The following EHBP1 variants were observed in gnomAD, a reference collection of about 807,000 sequenced individuals.
EHBP1 encodes the protein EH domain-binding protein 1.
EHBP1 carries 55 observed loss-of-function variants against 144.0 expected under a neutral mutation model. The ratio of observed to expected loss-of-function variants is 0.38; its 90% CI spans 0.31 to 0.48. EHBP1 has a LOEUF of 0.48. EHBP1 is among the 20% of genes least tolerant of loss of function. EHBP1 has a pLI of 0.98. For missense variants in EHBP1, 1,200 were observed against 1,364.2 expected (o/e 0.88, Z 1.90); for synonymous variants, 469 against 472.7 (o/e 0.99, Z 0.10).
intron 10 of EHBP1, among the ~76,000 whole-genome samples, chr2:62,892,480 G>C (rs1300075747): frequency 1.3e-5 from 2 of 152,028 alleles, no homozygotes; most frequent in African/African-American, 2.4e-5. Context: ...CAGTTATTAA[G>C]TAGAGGTTGT....
intron 5 of EHBP1, among the ~76,000 whole-genome samples, chr2:62,809,171 A>G (rs2044746567): frequency 6.6e-6 from 1 of 151,944 alleles, no homozygotes; most frequent in South Asian, 2.1e-4. Context: ...TGTGCCTGTA[A>G]TCCCAGCTAC....
At chr2:62,899,437 G>A (rs776616532) in intron 10 of EHBP1, among the ~76,000 whole-genome samples, 6 of 152,116 alleles carry the variant, frequency 3.9e-5, no homozygotes, top group Non-Finnish European at 8.8e-5. Context: ...TCCCTTTATT[G>A]AGAATAAGGA....
At chr2:62,973,720 C>T (rs2058591067) in intron 14 of EHBP1, among the ~76,000 whole-genome samples, 4 of 152,118 alleles carry the variant, frequency 2.6e-5, no homozygotes, top group Admixed American at 2.6e-4. Flanking sequence ...TGATAGTGGT[C>T]CAGATGTGGT....
chr2:62,857,520 A>T (rs918874401), intron 7 of EHBP1, among the ~76,000 whole-genome samples: 1 of 152,210 alleles, frequency 6.6e-6, no homozygotes, highest in African/African-American at 2.4e-5. Flanking sequence ...TTAATGTCAA[A>T]TTTACAACTG....
At chr2:62,804,705 G>A (rs2044307511) in intron 5 of EHBP1, among the ~76,000 whole-genome samples, 2 of 152,160 alleles carry the variant, frequency 1.3e-5, no homozygotes, top group South Asian at 2.1e-4. Context: ...CCAGCCCTCA[G>A]GCCATGGATT....
chr2:62,985,129 TC>T (rs531873121), intron 15 of EHBP1, among the ~76,000 whole-genome samples: 184 of 152,284 alleles, frequency 1.2e-3, no homozygotes, highest in Middle Eastern at 6.8e-3. Context: ...GGTTAGGCTC[TC>T]CATAGTGCTT....
intron 19 of EHBP1, among the ~76,000 whole-genome samples, chr2:63,028,224 C>T (rs568150740): frequency 7.2e-5 from 11 of 152,164 alleles, no homozygotes; most frequent in South Asian, 4.2e-4. Context: ...TAAATATATA[C>T]GCTTTTTGTC....
At chr2:62,953,261 T>C (rs2057497320) in intron 13 of EHBP1, among the ~76,000 whole-genome samples, 2 of 150,702 alleles carry the variant, frequency 1.3e-5, no homozygotes, top group Non-Finnish European at 3.0e-5. Context: ...AAAATTTACT[T>C]CTAAAGATAT....
chr2:62,877,991 GA>G (rs1247221273), intron 10 of EHBP1, among the ~76,000 whole-genome samples: 1 of 152,134 alleles, frequency 6.6e-6, no homozygotes, highest in Non-Finnish European at 1.5e-5. Context: ...AATCAGAGCT[GA>G]AGTCTATGAA....
At chr2:62,993,702 T>C (rs754961272) in intron 17 of EHBP1, 34 bp downstream of exon 17, 12 of 1,399,248 alleles carry the variant, frequency 8.6e-6, no homozygotes, top group East Asian at 2.4e-5. Context: ...TTCCATGTTA[T>C]GGTTTAACTA....
chr2:62,744,336 T>C (rs1287980304), intron 2 of EHBP1, among the ~76,000 whole-genome samples: 1 of 152,086 alleles, frequency 6.6e-6, no homozygotes, highest in African/African-American at 2.4e-5. Flanking sequence ...TTATTGGTAG[T>C]TGGAGAAAAC....
chr2:62,847,056 G>A (rs1443280443), intron 7 of EHBP1, among the ~76,000 whole-genome samples: 1 of 152,190 alleles, frequency 6.6e-6, no homozygotes, highest in East Asian at 1.9e-4. Context: ...TAATAGTAAT[G>A]CTACCTGACA....
intron 15 of EHBP1, among the ~76,000 whole-genome samples, chr2:62,986,592 C>T (rs1010294590): frequency 4.0e-5 from 6 of 151,880 alleles, no homozygotes; most frequent in Admixed American, 2.0e-4. Context: ...GCGCACACCA[C>T]CACACCCGGC....
intron 2 of EHBP1, among the ~76,000 whole-genome samples, chr2:62,724,144 A>C (rs566814960): frequency 6.6e-6 from 1 of 152,126 alleles, no homozygotes; most frequent in Non-Finnish European, 1.5e-5. Context: ...ACATAATCCC[A>C]TATTTCTCAG....
chr2:62,690,118 G>C (rs968808903), intron 1 of EHBP1, among the ~76,000 whole-genome samples: 2 of 152,188 alleles, frequency 1.3e-5, no homozygotes, highest in Non-Finnish European at 2.9e-5. Flanking sequence ...AATAATCTGG[G>C]AGGCTGTGAA....
chr2:62,807,074 G>T (rs145069661), intron 5 of EHBP1, among the ~76,000 whole-genome samples: 1 of 152,082 alleles, frequency 6.6e-6, no homozygotes, highest in Non-Finnish European at 1.5e-5. Flanking sequence ...TTTTGTTGCA[G>T]ATATGAAACC....
At chr2:62,768,858 A>C (rs2041402094) in intron 4 of EHBP1, among the ~76,000 whole-genome samples, 1 of 152,260 alleles carries the variant, frequency 6.6e-6, no homozygotes, top group Non-Finnish European at 1.5e-5. Context: ...AGTTGATTCA[A>C]CATATGCAAG....
chr2:62,967,080 TTTC>T (rs2058279345), intron 14 of EHBP1, among the ~76,000 whole-genome samples: 1 of 152,182 alleles, frequency 6.6e-6, no homozygotes. Context: ...CATGTACAGT[TTTC>T]TTCTTAATTC....
intron 19 of EHBP1, among the ~76,000 whole-genome samples, chr2:63,003,044 CA>C (rs2059909503): frequency 6.6e-6 from 1 of 151,968 alleles, no homozygotes; most frequent in African/African-American, 2.4e-5. Flanking sequence ...GAATTTGGTC[CA>C]TATGATTTTT....
Sources: allele counts gnomAD v4.1 joint callset (sites outside exome capture counted in the v4.1 genomes callset), GRCh38; gene constraint gnomAD v4.1.1; transcripts MANE v1.5; gene names NCBI Gene and HGNC (gene_info 2026-07-23, HGNC 2026-07-21).